Variants in RNF43 observed in about 807,000 individuals in gnomAD.
The protein encoded by RNF43 is E3 ubiquitin-protein ligase RNF43.
RNF43 carries 37 observed loss-of-function variants against 78.4 expected under a neutral mutation model. That is an observed-to-expected ratio of 0.47 (90% CI 0.36 to 0.62). The LOEUF (loss-of-function observed/expected upper bound fraction) is 0.62. Among genes scored for constraint, RNF43 ranks in the 20% least tolerant of loss-of-function variants. The pLI, the probability that RNF43 is intolerant of heterozygous loss-of-function variation, is 0.00. For synonymous variants in RNF43, 347 were observed against 395.0 expected (o/e 0.88, Z 1.44); for missense variants, 774 against 1,007.9 (o/e 0.77, Z 3.14).
Position 58,415,441 on chromosome 17 carries a change from G to A in RNF43, c.137C>T (p.Ala46Val). ...VESERSAEQK[A>V]IIRVIPLKMD... The stretch of plus-strand genomic sequence containing the variant: ...TTTCAAGGGGATCACTCTGATAATA[G>A]CTTTCTGTTCTGCTGATCTTTCAGA... Residue 46 changes from alanine to valine, a missense_variant, in exon 2 of 10, where the codon GCT (alanine) becomes GTT (valine). Coordinates refer to ENST00000407977, the MANE Select transcript of RNF43 (RefSeq NM_017763.6). 1 of 1,614,220 alleles carries A rather than the reference G, an allele frequency of 6.2e-7. No homozygotes were observed. The highest frequency in any genetic ancestry group is 8.5e-7 in the Non-Finnish European group (1 of 1,180,034).
chr17:58,364,264 G>A (rs147994639), intron 3 of RNF43, among the ~76,000 whole-genome samples: 1 of 152,326 alleles, frequency 6.6e-6, no homozygotes, highest in Non-Finnish European at 1.5e-5. Context: ...TCCTTGTCCA[G>A]TGGTTTATCC....
intron 2 of RNF43, among the ~76,000 whole-genome samples, chr17:58,414,325 G>C (rs1974083509): frequency 6.6e-6 from 1 of 152,172 alleles, no homozygotes; most frequent in South Asian, 2.1e-4. Flanking sequence ...TCTGTTCATA[G>C]TCTGTTCATA....
At chr17:58,367,941 G>T (rs1028054500) in intron 3 of RNF43, among the ~76,000 whole-genome samples, 3 of 152,182 alleles carry the variant, frequency 2.0e-5, no homozygotes, top group Non-Finnish European at 4.4e-5. Flanking sequence ...CATCTGTACT[G>T]TCTCATTAAA....
intron 2 of RNF43, among the ~76,000 whole-genome samples, chr17:58,375,756 T>C (rs1192656104): frequency 2.6e-5 from 4 of 152,192 alleles, no homozygotes; most frequent in Non-Finnish European, 5.9e-5. Flanking sequence ...AGATTTGAGT[T>C]TTGTTTTTTG....
chr17:58,398,710 A>T (rs1033446695), intron 2 of RNF43, among the ~76,000 whole-genome samples: 4 of 152,194 alleles, frequency 2.6e-5, no homozygotes, highest in Admixed American at 2.0e-4. Context: ...TAGCCTCAAT[A>T]AATGTATAAA....
chr17:58,360,636 G>A lies in RNF43; in HGVS notation c.849+147C>T. 1.2e-6 allele frequency: 1 copy of A among 848,020 alleles called. No individual in the cohort carries two copies. Among genetic ancestry groups the A allele is most frequent in the South Asian group, 1.9e-5 (1 of 51,468 alleles). The allele number at this position is 848,020 out of a possible 1,614,324, so 52.5% of individuals were successfully genotyped here. ...GGTCAGAAAAGTGACCAAACTTCAG[G>A]CTGGTCCCTGATCTCTGCCTCATGC... On this transcript the variant is annotated intron_variant, in intron 7 of 9. Transcript: ENST00000407977. This position sits in a 1 kb window ranked among gnomAD's most constrained non-coding sequence, Gnocchi z 4.3.
Position 58,354,716 on chromosome 17 carries a change from T to G in RNF43, c.*227A>C. 1.8e-6 allele frequency: 1 copy of G among 564,836 alleles called. No individual in the cohort carries two copies. The highest frequency in any genetic ancestry group is 3.2e-6 in the Non-Finnish European group (1 of 310,804). The allele number at this position is 564,836 out of a possible 1,614,324, so 35.0% of individuals were successfully genotyped here. ...AGCTGGTTGCCTGGCTGGACATGGA[T>G]TTGCTGCACTGCAGATGTTTTCTGC... On this transcript the variant is annotated 3_prime_UTR_variant, in exon 10 of 10. Coordinates refer to ENST00000407977, the MANE Select transcript of RNF43 (RefSeq NM_017763.6).
chr17:58,371,940 T>C (rs2143522101), intron 2 of RNF43, among the ~76,000 whole-genome samples: 1 of 152,312 alleles, frequency 6.6e-6, no homozygotes, highest in South Asian at 2.1e-4. Context: ...AATCTAATTT[T>C]CCCTAAACAA....
chr17:58,408,430 C>T (rs1973957722), intron 2 of RNF43, among the ~76,000 whole-genome samples: 1 of 152,112 alleles, frequency 6.6e-6, no homozygotes, highest in South Asian at 2.1e-4. Context: ...AATTTAAGTA[C>T]TAAGAAGGTA....
Position 58,354,411 on chromosome 17 carries a change from A to C in RNF43, c.*532T>G, listed in dbSNP as rs1274438173. Reference sequence around the variant, plus strand: ...CCTATGCTACTGGTCCTTTTGGCAAAAAAGGAAAATGATAGAGCCAGGGTT... The same window carrying C: ...CCTATGCTACTGGTCCTTTTGGCAACAAAGGAAAATGATAGAGCCAGGGTT... On this transcript the variant is annotated 3_prime_UTR_variant, in exon 10 of 10. Coordinates refer to ENST00000407977, the MANE Select transcript of RNF43 (RefSeq NM_017763.6). The C allele has an allele frequency of 4.3e-6, 1 of 230,720 alleles. No homozygotes were observed. The highest frequency in any genetic ancestry group is 8.7e-6 in the Non-Finnish European group (1 of 114,590). 14.3% of individuals were successfully genotyped at this position (230,720 alleles called of 1,614,324 possible). A position where few individuals can be genotyped will look rare whatever the true frequency, so the allele number is the denominator to read the frequency against.
At chr17:58,372,901 T>C (rs550021394) in intron 2 of RNF43, among the ~76,000 whole-genome samples, 2 of 152,090 alleles carry the variant, frequency 1.3e-5, no homozygotes, top group African/African-American at 4.8e-5. Context: ...GAGGCTGAGG[T>C]AGACTGTGGG....
In RNF43 at chr17:58,370,968, G is replaced by A. The variant is rs769845451; in HGVS notation, c.318C>T (p.Ile106=). The change falls in exon 3 of 10, where the codon ATC becomes ATT. Residue 106 remains isoleucine, a synonymous_variant. Transcript: ENST00000407977. The stretch of plus-strand genomic sequence containing the variant: ...CCCGTCGAGGACTCTCCAGCTTGAC[G>A]ATGCTGATGAATCCAGGCTCCAGAT... The part of the protein sequence containing the change: ...DDNLEPGFIS[I]VKLESPRRAP... 4 of 1,611,912 alleles carry A rather than the reference G, an allele frequency of 2.5e-6. No homozygotes were observed. Among genetic ancestry groups the A allele is most frequent in the South Asian group, 1.1e-5 (1 of 90,700 alleles).
At chr17:58,405,721 A>AGAAAGAAG (rs1973894852) in intron 2 of RNF43, among the ~76,000 whole-genome samples, 1 of 149,898 alleles carries the variant, frequency 6.7e-6, no homozygotes, top group Non-Finnish European at 1.5e-5. Context: ...AAAGAAAGAA[A>AGAAAGAAG]GAAAGAAAGA....
rs150573282 is a variant in RNF43 at position 58,372,428 on chromosome 17, C to T, written c.253-1395G>A. ...TGTGGGAGAAAGGTTATCATGTGCCCCTGCCCCAAGAAAAAGGCTGGGGCA... is the reference window on the plus strand; with the variant it reads ...TGTGGGAGAAAGGTTATCATGTGCCTCTGCCCCAAGAAAAAGGCTGGGGCA... On this transcript the variant is annotated intron_variant, in intron 2 of 9. Coordinates refer to ENST00000407977, the MANE Select transcript of RNF43 (RefSeq NM_017763.6). 2.9e-3 allele frequency among the ~76,000 whole-genome samples: 449 copies of T among 152,264 alleles called. 2 individuals are homozygous for T. Among genetic ancestry groups the T allele is most frequent in the Admixed American group, 7.9e-3 (121 of 15,300 alleles).
In RNF43 at chr17:58,354,294, G is replaced by C. The variant is rs999624418; in HGVS notation, c.*649C>G. 3 of 201,350 alleles carry C rather than the reference G, an allele frequency of 1.5e-5. No individual in the cohort carries two copies. Among genetic ancestry groups the C allele is most frequent in the African/African-American group, 6.9e-5 (3 of 43,544 alleles). The allele number at this position is 201,350 out of a possible 1,614,324, so 12.5% of individuals were successfully genotyped here. On this transcript the variant is annotated 3_prime_UTR_variant, in exon 10 of 10. Coordinates refer to ENST00000407977, the MANE Select transcript of RNF43 (RefSeq NM_017763.6). ...ACTATTCTTATTCTCAACCCCCAGA[G>C]GAACCAAGGCTGCTGTACCCACCTC... is the stretch of plus-strand genomic sequence containing the variant.
At chr17:58,367,840 G>A (rs935224588) in intron 3 of RNF43, among the ~76,000 whole-genome samples, 3 of 152,182 alleles carry the variant, frequency 2.0e-5, no homozygotes, top group African/African-American at 4.8e-5. Flanking sequence ...ACAAAAGCAC[G>A]GAATGATGAT....
chr17:58,359,610 T>A (rs1026957142), intron 8 of RNF43, among the ~76,000 whole-genome samples: 48 of 134,004 alleles, frequency 3.6e-4, no homozygotes, highest in African/African-American at 9.5e-4. Flanking sequence ...ACTCAAAAAA[T>A]AATAATAATA....
rs148756287 is a variant in RNF43, at chr17:58,367,594, G to A, written c.375+3317C>T. On this transcript the variant is annotated intron_variant, in intron 3 of 9. Transcript: ENST00000407977. Reference sequence around the variant, plus strand: ...CTCCAGATCTAGCTCCTTCTAGCAGGCAAAAGGCCACTGCACTAGTTCAGG... The same window carrying A: ...CTCCAGATCTAGCTCCTTCTAGCAGACAAAAGGCCACTGCACTAGTTCAGG... Among the ~76,000 whole-genome samples, 1,367 of 152,268 alleles carry A rather than the reference G, an allele frequency of 9.0e-3. 8 individuals carry two copies. The highest frequency in any genetic ancestry group is 0.032 in the African/African-American group (1,314 of 41,536).
intron 2 of RNF43, among the ~76,000 whole-genome samples, chr17:58,408,444 T>G (rs778672780): frequency 3.3e-5 from 5 of 152,110 alleles, no homozygotes; most frequent in Non-Finnish European, 7.4e-5. Flanking sequence ...GAAGGTAAGG[T>G]CCTTTGGATG....
Sources: gnomAD v4.1 joint callset for allele counts (sites outside exome capture counted in the v4.1 genomes callset) on GRCh38, gnomAD v4.1.1 for gene constraint, Gnocchi (gnomAD v3.1) non-coding constraint, MANE v1.5 for transcripts, NCBI Gene and HGNC (gene_info 2026-07-23, HGNC 2026-07-21) for gene names.